The following ABCA5 variants were observed in gnomAD, a reference collection of about 807,000 sequenced individuals.
ABCA5 encodes the protein ATP binding cassette subfamily A member 5.
ABCA5 carries 163 observed loss-of-function variants against 206.0 expected under a neutral mutation model. The ratio of observed to expected loss-of-function variants is 0.79; its 90% CI spans 0.70 to 0.90. The LOEUF (loss-of-function observed/expected upper bound fraction) is 0.90. ABCA5 is among the 40% of genes least tolerant of loss of function. The pLI is 0.00. For synonymous variants in ABCA5, 609 were observed against 613.8 expected (o/e 0.99, Z 0.11); for missense variants, 1,859 against 1,912.9 (o/e 0.97, Z 0.53).
chr17:69,286,439 T>C lies in ABCA5; in HGVS notation c.2042-128A>G. On this transcript the variant is annotated intron_variant, in intron 15 of 38. Coordinates refer to ENST00000392676, the MANE Select transcript of ABCA5 (RefSeq NM_172232.4). ...TATCATTAATCATCACAAAAAGTCT[T>C]ATGAGGATGGTACTAGATTATCATC... 6.3e-6 allele frequency: 5 copies of C among 799,734 alleles called. No homozygotes were observed. In the South Asian group the frequency reaches 8.7e-5, roughly 14 times the overall value. The allele number at this position is 799,734 out of a possible 1,614,324, so 49.5% of individuals were successfully genotyped here. A position where few individuals can be genotyped will look rare whatever the true frequency, so the allele number is the denominator to read the frequency against.
At chr17:69,252,537 C>T (rs910107140) in intron 34 of ABCA5, among the ~76,000 whole-genome samples, 7 of 151,984 alleles carry the variant, frequency 4.6e-5, no homozygotes, top group Non-Finnish European at 1.0e-4. Context: ...GAAGTTGAGG[C>T]TTAAAGAGTT....
intron 10 of ABCA5, among the ~76,000 whole-genome samples, chr17:69,295,110 GA>G (rs2075571648): frequency 2.0e-5 from 3 of 151,852 alleles, no homozygotes; most frequent in Non-Finnish European, 2.9e-5. Context: ...AAATTATAAG[GA>G]AAAAATATAT....
intron 10 of ABCA5, 36 bp downstream of exon 10, chr17:69,297,155 G>A (rs750395300): frequency 2.5e-6 from 4 of 1,582,860 alleles, no homozygotes; most frequent in Non-Finnish European, 8.6e-7. Context: ...TTCATCAGCA[G>A]TTCTTATACC....
chr17:69,268,286 C>T (rs552756289), intron 22 of ABCA5, among the ~76,000 whole-genome samples: 1 of 152,026 alleles, frequency 6.6e-6, no homozygotes, highest in Non-Finnish European at 1.5e-5. Context: ...TGATCCTAAG[C>T]AAATCATTTT....
intron 23 of ABCA5, among the ~76,000 whole-genome samples, 172 bp from the exon 24 acceptor site, chr17:69,265,077 G>T: frequency 6.6e-6 from 1 of 152,020 alleles, no homozygotes; most frequent in Non-Finnish European, 1.5e-5. Context: ...ATTCCATTTA[G>T]CCTTTAATTT....
chr17:69,317,244 T>A (rs932558034), intron 1 of ABCA5: 27 of 150,750 alleles, frequency 1.8e-4, no homozygotes, highest in Admixed American at 1.4e-3. Flanking sequence ...TAAAAAAAAA[T>A]ATACAAAAAT....
intron 18 of ABCA5, 47 bp from the exon 19 acceptor site, chr17:69,277,889 G>T: frequency 1.5e-6 from 2 of 1,377,368 alleles, no homozygotes; most frequent in South Asian, 1.6e-5. Flanking sequence ...CATTAAAAAA[G>T]ATACAAACTT....
chr17:69,273,644 C>T (rs1394986305), intron 20 of ABCA5, among the ~76,000 whole-genome samples: 3 of 151,776 alleles, frequency 2.0e-5, no homozygotes, highest in African/African-American at 4.8e-5. Flanking sequence ...TTAGTAGAGA[C>T]GGGGTTTCAC....
rs1010018136 is a variant in ABCA5, at chr17:69,259,817, C to G, written c.3640-20G>C. The G allele has an allele frequency of 1.4e-6, 2 of 1,417,092 alleles. No homozygotes were observed. The highest frequency in any genetic ancestry group is 4.0e-5 in the Admixed American group (2 of 50,470). The allele number at this position is 1,417,092 out of a possible 1,614,324, so 87.8% of individuals were successfully genotyped here. Reference sequence around the variant, plus strand: ...GTAAGGCTAAAAGAAGAACATGTAGCAGCTCATGACTAAAAGATTTGTTGT... The same window carrying G: ...GTAAGGCTAAAAGAAGAACATGTAGGAGCTCATGACTAAAAGATTTGTTGT... On this transcript the variant is annotated intron_variant, in intron 27 of 38. Transcript: ENST00000392676.
intron 11 of ABCA5, among the ~76,000 whole-genome samples, chr17:69,291,841 A>T (rs1444863360): frequency 2.6e-5 from 4 of 152,154 alleles, no homozygotes; most frequent in Admixed American, 2.6e-4. Context: ...GGCCAGGCAC[A>T]GTGGCTCGTG....
chr17:69,269,262 CGGA>C (rs1382846547), intron 22 of ABCA5, among the ~76,000 whole-genome samples: 2 of 152,058 alleles, frequency 1.3e-5, no homozygotes, highest in Non-Finnish European at 2.9e-5. Flanking sequence ...GTTACTCCTA[CGGA>C]GGAGAGAAGG....
chr17:69,250,368 T>C (rs1175048073), intron 36 of ABCA5, 104 bp downstream of exon 36: 6 of 885,984 alleles, frequency 6.8e-6, no homozygotes, highest in Non-Finnish European at 9.9e-6. Context: ...TATATATATA[T>C]GGTCTATGAA....
intron 34 of ABCA5, among the ~76,000 whole-genome samples, chr17:69,252,375 A>G (rs957331954): frequency 6.6e-6 from 1 of 152,198 alleles, no homozygotes; most frequent in East Asian, 1.9e-4. Context: ...GGAAAAAAAA[A>G]ATCTATGATT....
chr17:69,248,531 T>C, intron 37 of ABCA5: 2 of 312,826 alleles, frequency 6.4e-6, no homozygotes, highest in South Asian at 7.2e-5. Context: ...GAATGTTACT[T>C]GTCTTATTTC....
intron 18 of ABCA5, among the ~76,000 whole-genome samples, chr17:69,281,052 AAAT>A (rs200210360): frequency 0.039 from 5,577 of 144,440 alleles, 147 homozygotes; most frequent in Non-Finnish European, 0.06. Flanking sequence ...AAATAAAAAT[AAAT>A]AAATAAAAAA....
intron 7 of ABCA5, 138 bp from the exon 8 acceptor site, chr17:69,303,044 CTATGG>C (rs1432032023): frequency 2.3e-5 from 11 of 480,392 alleles, no homozygotes; most frequent in Non-Finnish European, 2.9e-5. Flanking sequence ...TTTCTAAATG[CTATGG>C]TATTTTATTT....
intron 28 of ABCA5, among the ~76,000 whole-genome samples, chr17:69,259,131 A>C (rs1269746634): frequency 1.3e-5 from 2 of 152,102 alleles, no homozygotes; most frequent in African/African-American, 2.4e-5. Context: ...AGTTGTATAC[A>C]AACTAGCAAC....
intron 15 of ABCA5, among the ~76,000 whole-genome samples, chr17:69,287,188 T>C (rs1348554605): frequency 6.6e-6 from 1 of 152,210 alleles, no homozygotes; most frequent in Admixed American, 6.5e-5. Flanking sequence ...ATACTAACTT[T>C]CCCAAGTAGA....
chr17:69,285,965 A>G lies in ABCA5; in HGVS notation c.2205T>C (p.Thr735=). 6.2e-7 allele frequency: 1 copy of G among 1,613,358 alleles called. No individual in the cohort carries two copies. Among genetic ancestry groups the G allele is most frequent in the East Asian group, 2.2e-5 (1 of 44,804 alleles). Residue 735 remains threonine, a synonymous_variant, in exon 17 of 39, where the codon ACT becomes ACC. Coordinates refer to ENST00000392676, the MANE Select transcript of ABCA5 (RefSeq NM_172232.4). Reference sequence around the variant, plus strand: ...GTTGTTGGTCATTCTGTTGTAATAAAGTAGCTCCAGGTATATGTTGTTTAA... The same window carrying G: ...GTTGTTGGTCATTCTGTTGTAATAAGGTAGCTCCAGGTATATGTTGTTTAA... The part of the protein sequence containing the change: ...SLVKQHIPGA[T]LLQQNDQQLV...
Sources: gnomAD v4.1 joint callset for allele counts (sites outside exome capture counted in the v4.1 genomes callset) on GRCh38, gnomAD v4.1.1 for gene constraint, MANE v1.5 for transcripts, NCBI Gene and HGNC (gene_info 2026-07-23, HGNC 2026-07-21) for gene names.